Variants in ZDHHC14 observed in about 807,000 individuals in gnomAD.
The protein encoded by ZDHHC14 is zDHHC palmitoyltransferase 14.
In ZDHHC14, 16 loss-of-function variants were observed where a neutral mutation model predicts 47.7. The observed-to-expected ratio is 0.34, with a 90% CI of 0.23 to 0.51. The LOEUF (loss-of-function observed/expected upper bound fraction) is 0.51, where lower values mean the gene tolerates loss of function less well. ZDHHC14 is among the 20% of genes least tolerant of loss of function. The pLI is 0.97. For missense variants in ZDHHC14, 515 were observed against 662.5 expected (o/e 0.78, Z 2.44); for synonymous variants, 293 against 278.9 (o/e 1.05, Z -0.50).
intron 7 of ZDHHC14, 68 bp downstream of exon 7, chr6:157,647,436 A>C: frequency 7.8e-7 from 1 of 1,277,438 alleles, no homozygotes; most frequent in Non-Finnish European, 1.1e-6. Flanking sequence ...CCGTTAGCAC[A>C]GGCCGCCCGC....
At chr6:157,545,375 TA>T (rs111647169) in intron 2 of ZDHHC14, among the ~76,000 whole-genome samples, 22 of 148,332 alleles carry the variant, frequency 1.5e-4, no homozygotes, top group South Asian at 2.1e-4. Context: ...TATGAAGATG[TA>T]AAAAAAAAAG....
chr6:157,430,314 A>T (rs1352266650), intron 1 of ZDHHC14, among the ~76,000 whole-genome samples: 2 of 87,316 alleles, frequency 2.3e-5, no homozygotes, highest in African/African-American at 1.1e-4. Flanking sequence ...GACTGTGTAA[A>T]AAAAAAAAAA....
chr6:157,618,607 C>A (rs1292273848), intron 3 of ZDHHC14, among the ~76,000 whole-genome samples: 1 of 152,136 alleles, frequency 6.6e-6, no homozygotes, highest in African/African-American at 2.4e-5. Flanking sequence ...CAGGCATGAG[C>A]CCCCGCGCCC....
At chr6:157,523,128 A>G (rs1284532511) in intron 1 of ZDHHC14, among the ~76,000 whole-genome samples, 1 of 151,496 alleles carries the variant, frequency 6.6e-6, no homozygotes. Flanking sequence ...CTCTCTCTCT[A>G]TAGCCCTAGG....
intron 1 of ZDHHC14, among the ~76,000 whole-genome samples, chr6:157,383,347 T>C (rs1020074355): frequency 2.0e-4 from 31 of 152,220 alleles, no homozygotes; most frequent in Non-Finnish European, 4.1e-4. Context: ...TCCCAAATCC[T>C]GGTTATTATT....
intron 5 of ZDHHC14, among the ~76,000 whole-genome samples, chr6:157,641,363 C>T (rs979965720): frequency 2.0e-5 from 3 of 152,160 alleles, no homozygotes; most frequent in Non-Finnish European, 2.9e-5. Flanking sequence ...TGTCCCCACA[C>T]CTTTATGGCA....
At chr6:157,609,112 G>A (rs1178214485) in intron 3 of ZDHHC14, among the ~76,000 whole-genome samples, 1 of 152,202 alleles carries the variant, frequency 6.6e-6, no homozygotes, top group Non-Finnish European at 1.5e-5. Flanking sequence ...ACCTGAGTCT[G>A]TAAAGTATGT....
intron 1 of ZDHHC14, among the ~76,000 whole-genome samples, chr6:157,539,772 G>A (rs1197131957): frequency 6.6e-6 from 1 of 152,038 alleles, no homozygotes; most frequent in African/African-American, 2.4e-5. Flanking sequence ...CCGTGGAGGG[G>A]CCAGAAACTG....
intron 1 of ZDHHC14, among the ~76,000 whole-genome samples, chr6:157,507,163 A>G (rs1780347307): frequency 6.6e-6 from 1 of 152,188 alleles, no homozygotes; most frequent in South Asian, 2.1e-4. Flanking sequence ...TAGCTATATC[A>G]TAAATTTTTA....
intron 3 of ZDHHC14, among the ~76,000 whole-genome samples, chr6:157,598,982 T>A (rs921594279): frequency 1.3e-5 from 2 of 152,214 alleles, no homozygotes; most frequent in East Asian, 3.9e-4. Context: ...GTAATGCTTT[T>A]AAAAAAAACT....
intron 1 of ZDHHC14, among the ~76,000 whole-genome samples, chr6:157,497,622 G>A (rs957899269): frequency 2.6e-5 from 4 of 152,280 alleles, no homozygotes; most frequent in Non-Finnish European, 4.4e-5. Context: ...GGATGTGACC[G>A]TCTGAGATCT....
At position 157,381,730 on chromosome 6, in the gene ZDHHC14, C is replaced by T. The variant is rs1583597289; in HGVS notation, c.-292C>T. ...CTCGGCGACCCGGGGGCCGGCCGGG[C>T]TGAGCCCCGCGCCCCGGGACGCGGG... On this transcript the variant is annotated 5_prime_UTR_variant, in exon 1 of 9. Transcript: ENST00000359775. 1 of 145,062 alleles carries T rather than the reference C, an allele frequency of 6.9e-6. No individual in the cohort carries two copies. Among genetic ancestry groups the T allele is most frequent in the South Asian group, 2.1e-4 (1 of 4,772 alleles). 9.0% of individuals were successfully genotyped at this position (145,062 alleles called of 1,614,324 possible).
At chr6:157,446,069 T>A (rs921148474) in intron 1 of ZDHHC14, among the ~76,000 whole-genome samples, 21 of 152,214 alleles carry the variant, frequency 1.4e-4, no homozygotes, top group African/African-American at 4.8e-4. Flanking sequence ...TTTATAACCT[T>A]ATTCTAAAAA....
chr6:157,603,337 A>G (rs1290482455), intron 3 of ZDHHC14, among the ~76,000 whole-genome samples: 1 of 152,256 alleles, frequency 6.6e-6, no homozygotes, highest in East Asian at 1.9e-4. Context: ...GAAGTACTTG[A>G]CAAGGTCGTA....
At chr6:157,465,105 C>CTTTTTTTTTTT (rs772080368) in intron 1 of ZDHHC14, among the ~76,000 whole-genome samples, 1 of 102,008 alleles carries the variant, frequency 9.8e-6, no homozygotes, top group African/African-American at 3.9e-5. Flanking sequence ...TCTCTTTCTC[C>CTTTTTTTTTTT]TTTTTTTTTT....
chr6:157,544,376 G>A (rs936954171), intron 2 of ZDHHC14, among the ~76,000 whole-genome samples: 5 of 152,152 alleles, frequency 3.3e-5, no homozygotes, highest in Non-Finnish European at 7.4e-5. Context: ...GGCAGGGCAC[G>A]GTGGCTCATG....
In ZDHHC14 at chr6:157,674,293, A is replaced by C. The variant is rs1299464953; in HGVS notation, c.*1171A>C. The C allele has an allele frequency of 6.6e-6, 1 of 152,208 alleles. No individual in the cohort carries two copies. 9.4% of individuals were successfully genotyped at this position (152,208 alleles called of 1,614,324 possible). On this transcript the variant is annotated 3_prime_UTR_variant, in exon 9 of 9. Coordinates refer to ENST00000359775, the MANE Select transcript of ZDHHC14 (RefSeq NM_024630.3). ...CTGTGTTAACGTGTCACTCAATCCC[A>C]GAAGTGCAACTTGAGGTCCTAGTAA...
chr6:157,655,323 T>A, intron 8 of ZDHHC14, among the ~76,000 whole-genome samples: 1 of 152,198 alleles, frequency 6.6e-6, no homozygotes, highest in Non-Finnish European at 1.5e-5. Context: ...TGTCCCCACC[T>A]TTTTTAAGTA....
At chr6:157,630,484 C>G (rs571555652) in intron 4 of ZDHHC14, 1 of 152,200 alleles carries the variant, frequency 6.6e-6, no homozygotes, top group African/African-American at 2.4e-5. Context: ...CTCATTCTAG[C>G]CACACTCACA....
Sources: gnomAD v4.1 joint callset for allele counts (sites outside exome capture counted in the v4.1 genomes callset) on GRCh38, gnomAD v4.1.1 for gene constraint, MANE v1.5 for transcripts, NCBI Gene and HGNC (gene_info 2026-07-23, HGNC 2026-07-21) for gene names.